FHOD3: variants seen among roughly 807,000 people sequenced by gnomAD.
FHOD3 encodes the protein FH1/FH2 domain-containing protein 3.
In FHOD3, 90 loss-of-function variants were observed where a neutral mutation model predicts 173.0. The ratio of observed to expected loss-of-function variants is 0.52; its 90% CI spans 0.44 to 0.62. The LOEUF (loss-of-function observed/expected upper bound fraction) is 0.62, where lower values mean the gene tolerates loss of function less well. FHOD3 is among the 20% of genes least tolerant of loss of function. FHOD3 has a pLI of 0.00. For synonymous variants in FHOD3, 828 were observed against 823.0 expected (o/e 1.01, Z -0.10); for missense variants, 1,945 against 2,034.7 (o/e 0.96, Z 0.85).
At chr18:36,597,892 C>G (rs1376008570) in intron 7 of FHOD3, among the ~76,000 whole-genome samples, 3 of 151,630 alleles carry the variant, frequency 2.0e-5, no homozygotes, top group African/African-American at 7.3e-5. Flanking sequence ...TCTTTATGGA[C>G]ATGTGTGGTC....
rs113887286 is a variant in FHOD3 at position 36,390,312 on chromosome 18, G to C, written c.337+17568G>C. Among the ~76,000 whole-genome samples, 198 of 152,302 alleles carry C rather than the reference G, an allele frequency of 1.3e-3. 2 individuals carry two copies. The highest frequency in any genetic ancestry group is 4.5e-3 in the African/African-American group (186 of 41,568). On this transcript the variant is annotated intron_variant, in intron 3 of 28. Coordinates refer to ENST00000590592, the MANE Select transcript of FHOD3 (RefSeq NM_001281740.3). ...TTCTGGCTTGGAGGAGCATGGCTGT[G>C]CTGAGCTAAATTAAAACTGGAGGTG...
At chr18:36,320,908 G>A (rs34606653) in intron 1 of FHOD3, among the ~76,000 whole-genome samples, 1 of 152,196 alleles carries the variant, frequency 6.6e-6, no homozygotes, top group Admixed American at 6.5e-5. Flanking sequence ...AGGGAGCTTA[G>A]GTTGAAGTGG....
chr18:36,669,575 T>C (rs991883534), intron 14 of FHOD3, among the ~76,000 whole-genome samples: 1 of 151,980 alleles, frequency 6.6e-6, no homozygotes, highest in African/African-American at 2.4e-5. Flanking sequence ...AGTGATTGCA[T>C]TGGGGTTTAT....
At chr18:36,442,509 T>C (rs1439228841) in intron 3 of FHOD3, among the ~76,000 whole-genome samples, 2 of 152,224 alleles carry the variant, frequency 1.3e-5, no homozygotes, top group African/African-American at 2.4e-5. Flanking sequence ...TTTCATTATA[T>C]TGTTGCACAG....
chr18:36,709,234 G>A lies in FHOD3; in HGVS notation c.2376G>A (p.Glu792=), dbSNP rs770644570. The A allele has an allele frequency of 2.1e-5, 34 of 1,614,092 alleles. No individual in the cohort carries two copies. In the South Asian group the frequency reaches 3.3e-4, roughly 16 times the overall value. ...GAETEVEQAL[E]QEPEERASLS... ...AGACTGAAGTGGAGCAGGCACTAGA[G>A]CAAGAGCCGGAAGAAAGAGCCTCCC... Residue 792 remains glutamate, a synonymous_variant, in exon 18 of 29, where the codon GAG becomes GAA. Transcript: ENST00000590592.
chr18:36,423,962 C>T (rs563406287), intron 3 of FHOD3, among the ~76,000 whole-genome samples: 5 of 152,292 alleles, frequency 3.3e-5, no homozygotes, highest in East Asian at 1.9e-4. Context: ...TTGAGCATAA[C>T]GTGGATTTCA....
At chr18:36,612,805 G>A (rs80348808) in intron 9 of FHOD3, among the ~76,000 whole-genome samples, 3,825 of 152,264 alleles carry the variant, frequency 0.025, 169 homozygotes, top group African/African-American at 0.088. Context: ...CCATATGCAC[G>A]TGTATTTTGT....
intron 20 of FHOD3, among the ~76,000 whole-genome samples, chr18:36,732,813 G>T (rs1469723388): frequency 1.3e-5 from 2 of 152,182 alleles, no homozygotes; most frequent in Non-Finnish European, 2.9e-5. Context: ...GTGGCCTGCT[G>T]TTGGGTGGAC....
At chr18:36,695,155 C>T (rs2039201104) in intron 17 of FHOD3, among the ~76,000 whole-genome samples, 2 of 151,336 alleles carry the variant, frequency 1.3e-5, no homozygotes, top group Non-Finnish European at 2.9e-5. Context: ...CCGGCCTGAC[C>T]AACGTGGAGA....
chr18:36,486,543 A>G (rs558557415), intron 3 of FHOD3, among the ~76,000 whole-genome samples: 1 of 152,290 alleles, frequency 6.6e-6, no homozygotes, highest in East Asian at 1.9e-4. Flanking sequence ...GATGTTTTAT[A>G]GTGATCTAAG....
At chr18:36,346,147 C>T (rs1289161706) in intron 1 of FHOD3, among the ~76,000 whole-genome samples, 2 of 152,196 alleles carry the variant, frequency 1.3e-5, no homozygotes, top group East Asian at 1.9e-4. Context: ...AGAAGGTTTG[C>T]CTGAACCCAG....
intron 1 of FHOD3, among the ~76,000 whole-genome samples, chr18:36,337,466 G>A (rs2045381303): frequency 1.3e-5 from 2 of 152,094 alleles, no homozygotes; most frequent in African/African-American, 4.8e-5. Flanking sequence ...AGGTTTTTAG[G>A]GAATATTTAC....
At chr18:36,552,404 T>G (rs1360808865) in intron 5 of FHOD3, among the ~76,000 whole-genome samples, 6 of 152,194 alleles carry the variant, frequency 3.9e-5, no homozygotes, top group Non-Finnish European at 7.4e-5. Flanking sequence ...GGGCTGAGAC[T>G]ATCGGGTTTT....
chr18:36,429,784 G>A (rs16967853), intron 3 of FHOD3, among the ~76,000 whole-genome samples: 6,062 of 152,106 alleles, frequency 0.04, 384 homozygotes, highest in African/African-American at 0.14. Context: ...TGTTCCTTGC[G>A]CCACCCAGAA....
intron 6 of FHOD3, among the ~76,000 whole-genome samples, chr18:36,579,170 C>T (rs185034866): frequency 1.2e-4 from 19 of 152,268 alleles, no homozygotes; most frequent in Non-Finnish European, 2.5e-4. Context: ...TTGGAACCTG[C>T]TCCCTCCCCA....
chr18:36,700,713 C>T (rs757771691), intron 17 of FHOD3, among the ~76,000 whole-genome samples: 8 of 152,154 alleles, frequency 5.3e-5, no homozygotes, highest in Non-Finnish European at 1.0e-4. Flanking sequence ...TCGGGTGGCT[C>T]TCCATTATCT....
At chr18:36,681,721 G>T in intron 15 of FHOD3, 151 bp downstream of exon 15, 1 of 1,023,576 alleles carries the variant, frequency 9.8e-7, no homozygotes, top group Non-Finnish European at 1.4e-6. Flanking sequence ...CCTGAAATAG[G>T]CTGGATCTGG....
chr18:36,692,181 G>T (rs2039005322), intron 16 of FHOD3, among the ~76,000 whole-genome samples: 1 of 152,188 alleles, frequency 6.6e-6, no homozygotes, highest in Admixed American at 6.5e-5. Context: ...AAAAATGCAT[G>T]CTTTTTAAAT....
At chr18:36,731,393 C>T (rs971923460) in intron 20 of FHOD3, among the ~76,000 whole-genome samples, 3 of 152,178 alleles carry the variant, frequency 2.0e-5, no homozygotes, top group African/African-American at 7.2e-5. Context: ...CCACAGGCCA[C>T]GTTCTCCCTC....
Sources: gnomAD v4.1 joint callset for allele counts (sites outside exome capture counted in the v4.1 genomes callset) on GRCh38, gnomAD v4.1.1 for gene constraint, MANE v1.5 for transcripts, NCBI Gene and HGNC (gene_info 2026-07-23, HGNC 2026-07-21) for gene names.